TAFA2: variants seen among roughly 807,000 people sequenced by gnomAD.
The protein encoded by TAFA2 is chemokine-like protein TAFA-2.
A neutral mutation model predicts 18.8 loss-of-function variants in TAFA2; 7 were observed. The ratio of observed to expected loss-of-function variants is 0.37; its 90% CI spans 0.21 to 0.70. The LOEUF (loss-of-function observed/expected upper bound fraction) is 0.70, where lower values mean the gene tolerates loss of function less well. Among genes scored for constraint, TAFA2 ranks in the 30% least tolerant of loss-of-function variants. The pLI, the probability that TAFA2 is intolerant of heterozygous loss-of-function variation, is 0.53. For missense variants in TAFA2, 122 were observed against 158.1 expected (o/e 0.77, Z 1.23); for synonymous variants, 60 against 54.2 (o/e 1.11, Z -0.47).
chr12:61,985,926 A>G (rs1879798094), intron 1 of TAFA2, among the ~76,000 whole-genome samples: 1 of 152,154 alleles, frequency 6.6e-6, no homozygotes, highest in Admixed American at 6.5e-5. Context: ...AGGCATTGGT[A>G]ATCATAGCTC....
intron 1 of TAFA2, among the ~76,000 whole-genome samples, chr12:61,937,563 A>G (rs1344676416): frequency 6.6e-6 from 1 of 152,074 alleles, no homozygotes; most frequent in Non-Finnish European, 1.5e-5. Flanking sequence ...AAAAGGACAC[A>G]CCCTATTTAA....
At chr12:61,895,028 C>A (rs1300108135) in intron 1 of TAFA2, among the ~76,000 whole-genome samples, 1 of 152,054 alleles carries the variant, frequency 6.6e-6, no homozygotes, top group African/African-American at 2.4e-5. Context: ...CTATATGAAC[C>A]CAAAGAACAC....
At chr12:62,147,555 T>C (rs1156913342) in intron 1 of TAFA2, among the ~76,000 whole-genome samples, 1 of 149,128 alleles carries the variant, frequency 6.7e-6, no homozygotes, top group Non-Finnish European at 1.5e-5. Context: ...CAGTGAACCC[T>C]TGTCTCTACT....
At chr12:61,860,213 G>C (rs1052022929) in intron 2 of TAFA2, among the ~76,000 whole-genome samples, 3 of 152,116 alleles carry the variant, frequency 2.0e-5, no homozygotes, top group African/African-American at 7.2e-5. Context: ...TGGGTAACTT[G>C]ATTTCTCTTC....
At chr12:61,903,771 G>A (rs1451617943) in intron 1 of TAFA2, among the ~76,000 whole-genome samples, 1 of 152,112 alleles carries the variant, frequency 6.6e-6, no homozygotes, top group Non-Finnish European at 1.5e-5. Context: ...GTCAACTACT[G>A]TATGTGAGTC....
At chr12:62,043,271 T>C (rs980248035) in intron 1 of TAFA2, among the ~76,000 whole-genome samples, 2 of 152,184 alleles carry the variant, frequency 1.3e-5, no homozygotes, top group Non-Finnish European at 2.9e-5. Context: ...CACCATGGAA[T>C]ACTATGCAGC....
intron 2 of TAFA2, among the ~76,000 whole-genome samples, chr12:61,785,589 C>T (rs1369251433): frequency 2.6e-5 from 4 of 151,344 alleles, no homozygotes; most frequent in Non-Finnish European, 5.9e-5. Flanking sequence ...AGGTGCACCT[C>T]TTATGACTTT....
At chr12:62,029,624 A>ATTTTAGCTTTTTT (rs140767222) in intron 1 of TAFA2, among the ~76,000 whole-genome samples, 1 of 151,742 alleles carries the variant, frequency 6.6e-6, no homozygotes, top group South Asian at 2.1e-4. Flanking sequence ...AAAAAGCCAA[A>ATTTTAGCTTTTTT]ACATGGATTA....
intron 1 of TAFA2, among the ~76,000 whole-genome samples, chr12:61,946,198 C>A (rs1257672122): frequency 1.5e-4 from 22 of 150,734 alleles, no homozygotes; most frequent in Non-Finnish European, 2.1e-4. Flanking sequence ...GAAAAACAAG[C>A]AATGGGGAAA....
chr12:62,141,490 T>C (rs1430772898), intron 1 of TAFA2, among the ~76,000 whole-genome samples: 1 of 152,218 alleles, frequency 6.6e-6, no homozygotes, highest in Non-Finnish European at 1.5e-5. Flanking sequence ...GTTCCCTTCT[T>C]TGAGGATAAA....
At chr12:62,185,241 T>TG (rs2062578254) in intron 1 of TAFA2, among the ~76,000 whole-genome samples, 2 of 152,324 alleles carry the variant, frequency 1.3e-5, no homozygotes, top group African/African-American at 4.8e-5. Flanking sequence ...TTAGGTTAAG[T>TG]TTTTTCCTTA....
At position 62,111,858 on chromosome 12, in the gene TAFA2, C is replaced by T. The variant is rs188650157; in HGVS notation, c.-2+79401G>A. Among the ~76,000 whole-genome samples the T allele has an allele frequency of 1.8e-3, 267 of 152,264 alleles. 2 individuals carry two copies. In the East Asian group the frequency reaches 0.019, roughly 11 times the overall value. ...TTGCTTGGTAAATAATCCTCCATCCCTTTATTTTGAGCCTATGTGTGTCTT... is the reference window on the plus strand; with the variant it reads ...TTGCTTGGTAAATAATCCTCCATCCTTTTATTTTGAGCCTATGTGTGTCTT... On this transcript the variant is annotated intron_variant, in intron 1 of 4. Transcript: ENST00000416284.
chr12:61,734,064 G>T (rs1254572280), intron 4 of TAFA2, among the ~76,000 whole-genome samples: 6 of 148,060 alleles, frequency 4.1e-5, no homozygotes, highest in Admixed American at 6.8e-5. Context: ...TCATGATTTG[G>T]CTCTCTGTTT....
chr12:62,070,358 G>A (rs530533435), intron 1 of TAFA2: 2 of 152,200 alleles, frequency 1.3e-5, no homozygotes, highest in South Asian at 4.1e-4. Flanking sequence ...AGTGAAAAAT[G>A]GCATTAAAAT....
chr12:61,848,625 T>A (rs1455215536), intron 2 of TAFA2, among the ~76,000 whole-genome samples: 1 of 152,024 alleles, frequency 6.6e-6, no homozygotes, highest in Non-Finnish European at 1.5e-5. Context: ...GCGTGTGGCA[T>A]CACAGTCTCT....
At position 61,991,280 on chromosome 12, in the gene TAFA2, T is replaced by G. The variant is rs191316014; in HGVS notation, c.-1-123854A>C. Among the ~76,000 whole-genome samples the G allele has an allele frequency of 3.3e-5, 5 of 152,350 alleles. 1 individual carries two copies. Among genetic ancestry groups the G allele is most frequent in the Admixed American group, 1.3e-4 (2 of 15,302 alleles). ...ATAAAGTAAGTGTTATACGGTGCAT[T>G]GTAAGTCTACCTAAAGATGAGCTAT... is the stretch of plus-strand genomic sequence containing the variant. On this transcript the variant is annotated intron_variant, in intron 1 of 4. Transcript: ENST00000416284.
intron 4 of TAFA2, among the ~76,000 whole-genome samples, chr12:61,747,815 T>C (rs985766288): frequency 6.6e-6 from 1 of 151,346 alleles, no homozygotes; most frequent in Non-Finnish European, 1.5e-5. Flanking sequence ...TGTATACATA[T>C]GTAACTAACC....
At chr12:61,788,194 A>G (rs1870818026) in intron 2 of TAFA2, among the ~76,000 whole-genome samples, 1 of 151,630 alleles carries the variant, frequency 6.6e-6, no homozygotes. Context: ...GGACCACCCA[A>G]ATATAGAGAG....
At chr12:62,225,183 T>C (rs1239234794) in intron 1 of TAFA2, among the ~76,000 whole-genome samples, 1 of 152,178 alleles carries the variant, frequency 6.6e-6, no homozygotes, top group East Asian at 1.9e-4. Flanking sequence ...AGCACAATAT[T>C]AGACAAACAG....
Sources: allele counts gnomAD v4.1 joint callset (sites outside exome capture counted in the v4.1 genomes callset), GRCh38; gene constraint gnomAD v4.1.1; transcripts MANE v1.5; gene names NCBI Gene and HGNC (gene_info 2026-07-23, HGNC 2026-07-21).